AHNAK: variants seen among roughly 807,000 people sequenced by gnomAD.
The protein encoded by AHNAK is AHNAK nucleoprotein.
AHNAK carries 23 observed loss-of-function variants against 37.8 expected under a neutral mutation model. That is an observed-to-expected ratio of 0.61 (90% CI 0.44 to 0.86). The LOEUF (loss-of-function observed/expected upper bound fraction) is 0.86. Among genes scored for constraint, AHNAK ranks in the 40% least tolerant of loss-of-function variants. The pLI is 0.00. For missense variants in AHNAK, 7,411 were observed against 7,319.4 expected, an observed-to-expected ratio of 1.01 and a Z score of -0.46; for synonymous variants, 2,481 against 2,636.3, an observed-to-expected ratio of 0.94 and a Z score of 1.80.
At chr11:62,457,875 C>T (rs983015620) in intron 5 of AHNAK, among the ~76,000 whole-genome samples, 3 of 151,510 alleles carry the variant, frequency 2.0e-5, no homozygotes, top group Non-Finnish European at 2.9e-5. Flanking sequence ...GACAATCCTA[C>T]GCATGTACCT....
intron 5 of AHNAK, among the ~76,000 whole-genome samples, chr11:62,442,299 G>A (rs994225587): frequency 1.3e-5 from 2 of 152,074 alleles, no homozygotes; most frequent in African/African-American, 2.4e-5. Context: ...TAATCCCAGC[G>A]CTTTGTGGGA....
rs1940574598 is a variant in AHNAK, at chr11:62,528,140, G to A, written c.6277C>T (p.Leu2093Phe). 1.9e-6 allele frequency: 3 copies of A among 1,612,950 alleles called. No homozygotes were observed. Among genetic ancestry groups the A allele is most frequent in the Middle Eastern group, 1.7e-4 (1 of 6,052 alleles). Residue 2093 changes from leucine (L) to phenylalanine (F), a missense_variant, in exon 5 of 5, where the codon CTT (leucine) becomes TTT (phenylalanine). Physicochemically the swap from Leu to Phe is conservative, Grantham distance 22. Coordinates refer to ENST00000378024, the MANE Select transcript of AHNAK (RefSeq NM_001620.3). Reference sequence around the variant, plus strand: ...TTCAGCTTCCCTTCTGGACCTTCAAGGCTCACATCTGGGACTTCAACATCC... The same window carrying A: ...TTCAGCTTCCCTTCTGGACCTTCAAAGCTCACATCTGGGACTTCAACATCC... ...KVDVEVPDVS[L>F]EGPEGKLKGP...
chr11:62,495,404 T>C (rs1393304944), intron 4 of AHNAK, among the ~76,000 whole-genome samples: 1 of 152,150 alleles, frequency 6.6e-6, no homozygotes, highest in Non-Finnish European at 1.5e-5. Context: ...CAGTGTCCTG[T>C]TGTAATTCAT....
In AHNAK at chr11:62,524,904, G is replaced by T. The variant is rs139180330; in HGVS notation, c.9513C>A (p.Asp3171Glu). Residue 3171 changes from aspartate to glutamate, a missense_variant, in exon 5 of 5, where the codon GAC (aspartate) becomes GAA (glutamate). Asp to Glu is a conservative substitution (Grantham distance 45, BLOSUM62 2). Transcript: ENST00000378024. ...PGFKGEGPEV[D>E]VNLPKADLDV... ...CAAGGTCAGCCTTGGGCAGGTTCAC[G>T]TCCACTTCTGGACCTTCTCCTTTGA... is the stretch of plus-strand genomic sequence containing the variant. 2.5e-6 allele frequency: 4 copies of T among 1,611,064 alleles called. No homozygotes were observed. The highest frequency in any genetic ancestry group is 1.3e-5 in the African/African-American group (1 of 74,104).
rs145970089 is a variant in AHNAK at position 62,531,957 on chromosome 11, C to A, written c.2460G>T (p.Met820Ile). 7 of 1,614,102 alleles carry A rather than the reference C, an allele frequency of 4.3e-6. No homozygotes were observed. The African/African-American group carries it at 9.3e-5, about 22-fold the overall frequency. Residue 820 changes from methionine to isoleucine, a missense_variant, in exon 5 of 5, where the codon ATG (methionine) becomes ATT (isoleucine). By Grantham distance (10) the Met-to-Ile change is conservative (BLOSUM62 1). Transcript: ENST00000378024. ...EMNIKVPKIS[M>I]PDVDLHLKGP... ...CTTTCAGATGTAAGTCCACATCAGG[C>A]ATGGAGATCTTGGGGACTTTGATGT... is the stretch of plus-strand genomic sequence containing the variant.
downstream of AHNAK, among the ~76,000 whole-genome samples, chr11:62,513,386 T>C (rs893013483): frequency 6.6e-6 from 1 of 152,072 alleles, no homozygotes; most frequent in Non-Finnish European, 1.5e-5. Flanking sequence ...AATACAAAAA[T>C]TAGCCAGGTA....
At chr11:62,512,525 G>A, downstream of AHNAK, among the ~76,000 whole-genome samples, 1 of 152,106 alleles carries the variant, frequency 6.6e-6, no homozygotes, top group East Asian at 1.9e-4. This position sits in a 1 kb window ranked among gnomAD's most constrained non-coding sequence, Gnocchi z 4.0. Flanking sequence ...TCTTTATTAG[G>A]TCTCTCTGAT....
chr11:62,538,476 G>A (rs1027028481), intron 1 of AHNAK, among the ~76,000 whole-genome samples: 15 of 152,240 alleles, frequency 9.9e-5, no homozygotes, highest in Admixed American at 6.5e-5. Context: ...AATTGAAATG[G>A]TGTGGGGGAC....
At chr11:62,469,998 C>T (rs1938998433) in intron 5 of AHNAK, among the ~76,000 whole-genome samples, 1 of 152,178 alleles carries the variant, frequency 6.6e-6, no homozygotes, top group South Asian at 2.1e-4. Flanking sequence ...GAGCTCTGGC[C>T]CCTAGCTATC....
At chr11:62,507,978 C>G (rs1447405065) in intron 4 of AHNAK, among the ~76,000 whole-genome samples, 1 of 152,192 alleles carries the variant, frequency 6.6e-6, no homozygotes, top group Non-Finnish European at 1.5e-5. Context: ...GGGTCTCGCT[C>G]TGTCATTCTG....
chr11:62,517,939 T>C lies in AHNAK; in HGVS notation c.16478A>G (p.Gln5493Arg). 2 of 1,614,230 alleles carry C rather than the reference T, an allele frequency of 1.2e-6. No individual in the cohort carries two copies. Among genetic ancestry groups the C allele is most frequent in the Non-Finnish European group, 1.7e-6 (2 of 1,180,034 alleles). ...IGVQGLEGNL[Q>R]MPGIKSSGCD... The stretch of plus-strand genomic sequence containing the variant: ...TCCAGAGGACTTAATTCCAGGCATC[T>C]GGAGGTTTCCTTCTAGGCCTTGAAC... The change falls in exon 5 of 5, where the codon CAG (glutamine) becomes CGG (arginine). Residue 5493 changes from glutamine (Q) to arginine (R), a missense_variant. Gln to Arg is a conservative substitution (Grantham distance 43, BLOSUM62 1). Coordinates refer to ENST00000378024, the MANE Select transcript of AHNAK (RefSeq NM_001620.3).
At chr11:62,535,923 T>C in intron 3 of AHNAK, 22 bp downstream of exon 3, 1 of 1,601,158 alleles carries the variant, frequency 6.2e-7, no homozygotes, top group Non-Finnish European at 8.5e-7. Context: ...CAGCACCCAG[T>C]CCACACCCTG....
rs142213077 is a variant in AHNAK at position 62,438,002 on chromosome 11, T to A, written c.443-4111A>T. Among the ~76,000 whole-genome samples the A allele has an allele frequency of 4.2e-3, 643 of 152,064 alleles. 4 individuals are homozygous for A. Among genetic ancestry groups the A allele is most frequent in the African/African-American group, 0.015 (607 of 41,446 alleles). On this transcript the variant is annotated intron_variant, in intron 5 of 5. Transcript: ENST00000257247. ...GCCTCAAACTCCTAGGCTCAAATGA[T>A]CCTCCCACCTCAGTCTCCCAAATAA...
chr11:62,471,152 C>T lies in AHNAK; in HGVS notation c.442+20580G>A, dbSNP rs865926367. 5.3e-5 allele frequency among the ~76,000 whole-genome samples: 8 copies of T among 152,322 alleles called. No individual in the cohort carries two copies. The South Asian group carries it at 1.0e-3, about 20-fold the overall frequency. ...AGAGGAGTCTTTTTCTGACTGCAAA[C>T]ACAGTCCAAGCTACCCTGGAGCAGA... On this transcript the variant is annotated intron_variant, in intron 5 of 5. Transcript: ENST00000257247.
In AHNAK at chr11:62,528,086, G is replaced by A. The variant is rs1940568907; in HGVS notation, c.6331C>T (p.His2111Tyr). The A allele has an allele frequency of 6.2e-7, 1 of 1,613,030 alleles. No homozygotes were observed. Among genetic ancestry groups the A allele is most frequent in the Non-Finnish European group, 8.5e-7 (1 of 1,179,764 alleles). Residue 2111 changes from histidine (H) to tyrosine (Y), a missense_variant, in exon 5 of 5, where the codon CAC (histidine) becomes TAC (tyrosine). Physicochemically the swap from His to Tyr is moderately conservative, Grantham distance 83. Transcript: ENST00000378024. ...ATGGAGATCTTGGGGGCCTTGAAGT[G>A]CATCTCAGGCATCTTAAGCTTGGGG... is the stretch of plus-strand genomic sequence containing the variant. ...KGPKLKMPEM[H>Y]FKAPKISMPD...
intron 5 of AHNAK, among the ~76,000 whole-genome samples, chr11:62,447,538 CAG>C (rs1031702773): frequency 1.3e-5 from 2 of 152,224 alleles, no homozygotes; most frequent in African/African-American, 4.8e-5. Context: ...GACACTGACA[CAG>C]AGCTTTGCTG....
chr11:62,518,466 T>A lies in AHNAK; in HGVS notation c.15951A>T (p.Ala5317=). ...KGPSLKGDLD[A]SVPSMKVHAP... ...CATGCACCTTCATGCTGGGAACAGATGCATCCAGGTCTCCCTTCAAACTTG... is the reference window on the plus strand; with the variant it reads ...CATGCACCTTCATGCTGGGAACAGAAGCATCCAGGTCTCCCTTCAAACTTG... The change falls in exon 5 of 5, where the codon GCA becomes GCT. Residue 5317 remains alanine, a synonymous_variant. Coordinates refer to ENST00000378024, the MANE Select transcript of AHNAK (RefSeq NM_001620.3). The A allele has an allele frequency of 6.2e-7, 1 of 1,614,080 alleles. No homozygotes were observed. Among genetic ancestry groups the A allele is most frequent in the East Asian group, 2.2e-5 (1 of 44,866 alleles).
Position 62,529,901 on chromosome 11 carries a change from A to G in AHNAK, c.4516T>C (p.Trp1506Arg). 6.2e-7 allele frequency: 1 copy of G among 1,613,104 alleles called. No homozygotes were observed. Among genetic ancestry groups the G allele is most frequent in the Non-Finnish European group, 8.5e-7 (1 of 1,179,796 alleles). Residue 1506 changes from tryptophan (W) to arginine (R), a missense_variant, in exon 5 of 5, where the codon TGG (tryptophan) becomes CGG (arginine). Physicochemically the swap from Trp to Arg is moderately radical, Grantham distance 101. Coordinates refer to ENST00000378024, the MANE Select transcript of AHNAK (RefSeq NM_001620.3). ...APDVEVHGPD[W>R]HLKMPKVKMP... ...TTTACCTTGGGCATCTTCAGGTGCC[A>G]GTCTGGGCCATGAACCTCCACATCT...
At chr11:62,436,780 C>CA (rs928564973) in intron 5 of AHNAK, among the ~76,000 whole-genome samples, 18 of 150,644 alleles carry the variant, frequency 1.2e-4, no homozygotes, top group East Asian at 5.9e-4. Context: ...ACCAAAAATA[C>CA]AAAAAAAAAT....
Sources: allele counts gnomAD v4.1 joint callset (sites outside exome capture counted in the v4.1 genomes callset), GRCh38; gene constraint gnomAD v4.1.1; non-coding constraint Gnocchi (gnomAD v3.1); transcripts MANE v1.5; gene names NCBI Gene and HGNC (gene_info 2026-07-23, HGNC 2026-07-21).